The following EYS variants were observed in gnomAD, a reference collection of about 807,000 sequenced individuals.
EYS encodes the protein protein eyes shut homolog.
In EYS, 250 loss-of-function variants were observed where a neutral mutation model predicts 282.1. That is an observed-to-expected ratio of 0.89 (90% CI 0.80 to 0.98). EYS has a LOEUF of 0.98. Ranked by LOEUF, EYS falls within the 50% of genes least tolerant of loss-of-function variation. The pLI is 0.00. For synonymous variants in EYS, 1,355 were observed against 1,282.9 expected, an observed-to-expected ratio of 1.06 and a Z score of -1.20; for missense variants, 4,016 against 3,709.0, an observed-to-expected ratio of 1.08 and a Z score of -2.15.
chr6:65,289,563 C>G (rs1768465668), intron 12 of EYS, among the ~76,000 whole-genome samples: 2 of 151,010 alleles, frequency 1.3e-5, no homozygotes, highest in South Asian at 4.1e-4. Context: ...ATATATACCA[C>G]AGAAAAAGAC....
chr6:64,433,473 A>G (rs1298045849), intron 28 of EYS, among the ~76,000 whole-genome samples: 1 of 152,054 alleles, frequency 6.6e-6, no homozygotes, highest in African/African-American at 2.4e-5. Flanking sequence ...TTTGTACTTT[A>G]TAGATGATAA....
intron 29 of EYS, among the ~76,000 whole-genome samples, chr6:64,341,075 A>G (rs1479560131): frequency 6.6e-6 from 1 of 151,842 alleles, no homozygotes; most frequent in Non-Finnish European, 1.5e-5. Flanking sequence ...CATGCTGGCA[A>G]GACTGCAGAG....
chr6:64,382,617 A>G (rs1235591753), intron 29 of EYS, among the ~76,000 whole-genome samples: 1 of 152,222 alleles, frequency 6.6e-6, no homozygotes, highest in African/African-American at 2.4e-5. Flanking sequence ...TGGTACATCT[A>G]AACCAGAGAG....
intron 29 of EYS, among the ~76,000 whole-genome samples, chr6:64,335,030 G>A (rs771402414): frequency 1.3e-4 from 20 of 151,960 alleles, no homozygotes; most frequent in Admixed American, 2.6e-4. Flanking sequence ...ATCACCACCC[G>A]AATAATGGTT....
intron 19 of EYS, among the ~76,000 whole-genome samples, chr6:64,823,545 C>A (rs892617238): frequency 6.6e-6 from 1 of 151,906 alleles, no homozygotes; most frequent in South Asian, 2.1e-4. Context: ...AGAATAATTT[C>A]TTTGCCCATT....
intron 33 of EYS, among the ~76,000 whole-genome samples, chr6:64,033,196 A>C (rs150024344): frequency 6.6e-6 from 1 of 152,160 alleles, no homozygotes; most frequent in Non-Finnish European, 1.5e-5. Flanking sequence ...CTCATTTTTC[A>C]TTACATTATT....
intron 29 of EYS, among the ~76,000 whole-genome samples, chr6:64,342,230 A>C (rs1771148296): frequency 1.3e-5 from 2 of 151,562 alleles, no homozygotes; most frequent in South Asian, 4.1e-4. Flanking sequence ...CCAATGTTTT[A>C]AAAATATAGT....
At chr6:64,024,922 G>T (rs377084985) in intron 33 of EYS, among the ~76,000 whole-genome samples, 5 of 152,278 alleles carry the variant, frequency 3.3e-5, no homozygotes, top group Non-Finnish European at 2.9e-5. Flanking sequence ...GTGAGACCAA[G>T]AACCCACCAA....
At chr6:64,098,074 C>G (rs1210840252) in intron 31 of EYS, among the ~76,000 whole-genome samples, 1 of 152,106 alleles carries the variant, frequency 6.6e-6, no homozygotes, top group South Asian at 2.1e-4. Context: ...CTTACTGGGT[C>G]TAGTAAACAT....
intron 5 of EYS, among the ~76,000 whole-genome samples, chr6:65,409,867 C>T (rs1766908086): frequency 6.6e-6 from 1 of 151,938 alleles, no homozygotes; most frequent in Non-Finnish European, 1.5e-5. Context: ...GTTTGTAAAA[C>T]AGACAGTCAT....
At chr6:64,289,646 C>T (rs1768628581) in intron 30 of EYS, among the ~76,000 whole-genome samples, 1 of 151,982 alleles carries the variant, frequency 6.6e-6, no homozygotes, top group Non-Finnish European at 1.5e-5. Context: ...CAAATATATG[C>T]TTTACGAGGA....
chr6:65,527,825 C>CTA, intron 2 of EYS, among the ~76,000 whole-genome samples: 1 of 152,218 alleles, frequency 6.6e-6, no homozygotes, highest in East Asian at 1.9e-4. Flanking sequence ...TGGGACCTCC[C>CTA]TAAACAGCTT....
intron 1 of EYS, among the ~76,000 whole-genome samples, chr6:65,663,861 CTTTTCTTTT>C (rs1768099316): frequency 2.2e-5 from 2 of 90,866 alleles, no homozygotes; most frequent in Non-Finnish European, 4.8e-5. Context: ...TTTGTTTTTT[CTTTTCTTTT>C]TTTTTTTTTT....
chr6:64,179,466 A>G (rs1227200435), intron 31 of EYS, among the ~76,000 whole-genome samples: 2 of 152,042 alleles, frequency 1.3e-5, no homozygotes, highest in Admixed American at 6.6e-5. Context: ...AAGATATAAA[A>G]CCGTGAGCTT....
At chr6:65,315,910 T>G (rs1769284104) in intron 11 of EYS, among the ~76,000 whole-genome samples, 1 of 150,002 alleles carries the variant, frequency 6.7e-6, no homozygotes, top group African/African-American at 2.5e-5. Context: ...CATATCCATG[T>G]CAGCAGTTAG....
intron 22 of EYS, among the ~76,000 whole-genome samples, chr6:64,653,754 G>T (rs1293240585): frequency 7.0e-6 from 1 of 143,466 alleles, no homozygotes. Context: ...TGGTAGAGAT[G>T]AGGTCTTACT....
intron 26 of EYS, among the ~76,000 whole-genome samples, chr6:64,559,850 A>G (rs1434484232): frequency 1.3e-5 from 2 of 152,044 alleles, no homozygotes; most frequent in South Asian, 2.1e-4. Flanking sequence ...AGATTATTTC[A>G]TCACCCAGAT....
chr6:65,201,084 A>G (rs1475614662), intron 12 of EYS, among the ~76,000 whole-genome samples: 1 of 152,136 alleles, frequency 6.6e-6, no homozygotes, highest in Non-Finnish European at 1.5e-5. Context: ...CTATCTATTG[A>G]CGATATATTG....
chr6:65,599,916 T>C (rs890163509), intron 2 of EYS, among the ~76,000 whole-genome samples: 29 of 152,224 alleles, frequency 1.9e-4, no homozygotes, highest in African/African-American at 6.0e-4. Context: ...GAATTGGTTA[T>C]GTGCTGTTGG....
Sources: gnomAD v4.1 joint callset for allele counts (sites outside exome capture counted in the v4.1 genomes callset) on GRCh38, gnomAD v4.1.1 for gene constraint, MANE v1.5 for transcripts, NCBI Gene and HGNC (gene_info 2026-07-23, HGNC 2026-07-21) for gene names.